The following RERG variants were observed in gnomAD, a reference collection of about 807,000 sequenced individuals.
RERG encodes the protein ras-related and estrogen-regulated growth inhibitor.
RERG carries 25 observed loss-of-function variants against 23.2 expected under a neutral mutation model. That is an observed-to-expected ratio of 1.08 (90% CI 0.79 to 1.50). RERG has a LOEUF of 1.50. Ranked by LOEUF, RERG falls within the 40% of genes most tolerant of loss-of-function variation. The pLI is 0.00. For synonymous variants in RERG, 81 were observed against 89.1 expected (o/e 0.91, Z 0.51); for missense variants, 253 against 250.1 (o/e 1.01, Z -0.08).
At chr12:15,193,121 T>C (rs1865095132) in intron 2 of RERG, among the ~76,000 whole-genome samples, 1 of 152,194 alleles carries the variant, frequency 6.6e-6, no homozygotes, top group South Asian at 2.1e-4. Context: ...TGATGGCTGC[T>C]TTTAGTGATT....
At chr12:15,172,761 T>C (rs1297397293) in intron 2 of RERG, among the ~76,000 whole-genome samples, 1 of 152,122 alleles carries the variant, frequency 6.6e-6, no homozygotes, top group Non-Finnish European at 1.5e-5. Context: ...ATGTGCTTAT[T>C]ATTCATTGTA....
At chr12:15,192,452 T>A (rs78569004) in intron 2 of RERG, among the ~76,000 whole-genome samples, 2,610 of 152,266 alleles carry the variant, frequency 0.017, 106 homozygotes, top group African/African-American at 0.061. Flanking sequence ...AAATGTATTT[T>A]AAAAAACCCT....
At chr12:15,139,013 ACTTT>A (rs1864190162) in intron 2 of RERG, among the ~76,000 whole-genome samples, 1 of 33,514 alleles carries the variant, frequency 3.0e-5, no homozygotes, top group African/African-American at 1.0e-4. Context: ...CTGTGTCTAG[ACTTT>A]TTTTTTTTTT....
At chr12:15,211,398 G>A (rs1865364565) in intron 2 of RERG, among the ~76,000 whole-genome samples, 1 of 151,804 alleles carries the variant, frequency 6.6e-6, no homozygotes, top group Non-Finnish European at 1.5e-5. Context: ...TGAACATAGA[G>A]GAAATGATGC....
intron 2 of RERG, among the ~76,000 whole-genome samples, chr12:15,186,686 A>G (rs1218489362): frequency 2.0e-5 from 3 of 152,206 alleles, no homozygotes; most frequent in African/African-American, 7.2e-5. Context: ...CTTCACAGCC[A>G]TATGGGATAA....
rs372461740 is a variant in RERG, at chr12:15,183,469, G to T, written c.61+33960C>A. Among the ~76,000 whole-genome samples, 4 of 151,678 alleles carry T rather than the reference G, an allele frequency of 2.6e-5. No homozygotes were observed. In the South Asian group the frequency reaches 6.2e-4, roughly 24 times the overall value. On this transcript the variant is annotated intron_variant, in intron 2 of 4. Coordinates refer to ENST00000256953, the MANE Select transcript of RERG (RefSeq NM_032918.3). ...ATATTAATAAAGTATCTCTTTTTTAGATAAAAAAGGCATTTATCTCAATTT... is the reference window on the plus strand; with the variant it reads ...ATATTAATAAAGTATCTCTTTTTTATATAAAAAAGGCATTTATCTCAATTT...
chr12:15,212,765 C>T (rs1322039091), intron 2 of RERG, among the ~76,000 whole-genome samples: 1 of 151,986 alleles, frequency 6.6e-6, no homozygotes, highest in Non-Finnish European at 1.5e-5. Context: ...TGTGAGATCT[C>T]ATAAATATAT....
intron 2 of RERG, among the ~76,000 whole-genome samples, chr12:15,159,314 T>C (rs1210802341): frequency 6.6e-6 from 1 of 152,198 alleles, no homozygotes; most frequent in Non-Finnish European, 1.5e-5. Context: ...ACAACCACAA[T>C]AGTAGTTCAT....
chr12:15,142,227 T>G (rs1864250187), intron 2 of RERG, among the ~76,000 whole-genome samples: 2 of 152,240 alleles, frequency 1.3e-5, no homozygotes, highest in African/African-American at 4.8e-5. Flanking sequence ...AGTCATTACC[T>G]TATTCAAATT....
At position 15,184,157 on chromosome 12, in the gene RERG, C is replaced by T. The variant is rs543052518; in HGVS notation, c.61+33272G>A. 3.9e-5 allele frequency among the ~76,000 whole-genome samples: 6 copies of T among 152,252 alleles called. No individual in the cohort carries two copies. The South Asian group carries it at 6.2e-4, about 16-fold the overall frequency. On this transcript the variant is annotated intron_variant, in intron 2 of 4. Transcript: ENST00000256953. Reference sequence around the variant, plus strand: ...CTTTATGTCCATATCCTCGTCTACACCACTAGTCTCCAAAGATATAGAAGA... The same window carrying T: ...CTTTATGTCCATATCCTCGTCTACATCACTAGTCTCCAAAGATATAGAAGA...
intron 2 of RERG, among the ~76,000 whole-genome samples, chr12:15,158,470 T>C (rs12810769): frequency 0.017 from 2,516 of 152,084 alleles, 42 homozygotes; most frequent in Admixed American, 0.049. Context: ...TTTTAAGAGA[T>C]GGGGTCTCAC....
intron 2 of RERG, among the ~76,000 whole-genome samples, chr12:15,193,141 G>A (rs1865095237): frequency 6.6e-6 from 1 of 151,878 alleles, no homozygotes; most frequent in African/African-American, 2.4e-5. Context: ...TATTCCTCTG[G>A]TATTCTAATG....
chr12:15,136,416 T>C (rs1395809209), intron 2 of RERG, among the ~76,000 whole-genome samples: 9 of 152,006 alleles, frequency 5.9e-5, no homozygotes, highest in African/African-American at 1.9e-4. Context: ...GTTTTTATTA[T>C]TTCTTATCTT....
chr12:15,204,322 T>C (rs781181246), intron 2 of RERG, among the ~76,000 whole-genome samples: 28 of 151,768 alleles, frequency 1.8e-4, no homozygotes, highest in Non-Finnish European at 4.0e-4. Flanking sequence ...ATAAAAAGGA[T>C]AGTCTCTGCA....
At chr12:15,121,306 A>T (rs937466432) in intron 2 of RERG, among the ~76,000 whole-genome samples, 187 bp from the exon 3 acceptor site, 1 of 152,214 alleles carries the variant, frequency 6.6e-6, no homozygotes, top group Admixed American at 6.5e-5. Context: ...TGGCCAAAAA[A>T]CCATTGTAAT....
At chr12:15,128,031 G>A (rs1043117382) in intron 2 of RERG, among the ~76,000 whole-genome samples, 6 of 152,078 alleles carry the variant, frequency 3.9e-5, no homozygotes, top group South Asian at 2.1e-4. Flanking sequence ...CTTAAAACCC[G>A]TAATTTTTCC....
chr12:15,202,522 C>T (rs1394738485), intron 2 of RERG, among the ~76,000 whole-genome samples: 1 of 151,692 alleles, frequency 6.6e-6, no homozygotes, highest in Non-Finnish European at 1.5e-5. Flanking sequence ...TTGTATTTGC[C>T]TTATATAAGA....
intron 2 of RERG, among the ~76,000 whole-genome samples, chr12:15,141,655 T>C (rs1864240911): frequency 6.6e-6 from 1 of 152,234 alleles, no homozygotes; most frequent in Admixed American, 6.5e-5. Flanking sequence ...GGTTTCAAAG[T>C]ATGATAGATT....
chr12:15,212,208 C>T (rs1478522736), intron 2 of RERG, among the ~76,000 whole-genome samples: 2 of 149,158 alleles, frequency 1.3e-5, no homozygotes, highest in Non-Finnish European at 3.0e-5. Context: ...TACAGGCGCC[C>T]GCCACCGCGC....
Sources: gnomAD v4.1 joint callset for allele counts (sites outside exome capture counted in the v4.1 genomes callset) on GRCh38, gnomAD v4.1.1 for gene constraint, MANE v1.5 for transcripts, NCBI Gene and HGNC (gene_info 2026-07-23, HGNC 2026-07-21) for gene names.